Variants in NMT1 observed in about 807,000 individuals in gnomAD.
The protein encoded by NMT1 is glycylpeptide N-tetradecanoyltransferase 1.
In NMT1, 12 loss-of-function variants were observed where a neutral mutation model predicts 63.4. The observed-to-expected ratio is 0.19, with a 90% CI of 0.12 to 0.31. The LOEUF is 0.31. Among genes scored for constraint, NMT1 ranks in the 10% least tolerant of loss-of-function variants. The probability of loss-of-function intolerance (pLI) is 1.00; values close to 1 mark genes in which losing one functional copy is unlikely to be tolerated. For missense variants in NMT1, 432 were observed against 634.6 expected, an observed-to-expected ratio of 0.68 and a Z score of 3.43; for synonymous variants, 228 against 234.3, an observed-to-expected ratio of 0.97 and a Z score of 0.25.
chr17:45,106,365 CATTG>C lies in NMT1; in HGVS notation c.*732_*735del, dbSNP rs1343049988. On this transcript the variant is annotated 3_prime_UTR_variant, in exon 12 of 12. Transcript: ENST00000258960. Reference sequence around the variant, plus strand: ...ATGGACGGTCCGCAGAAGCAGACCTCATTGATTGAGTCCTTTCTTCCATCCCCTT... The same window carrying C: ...ATGGACGGTCCGCAGAAGCAGACCTCATTGAGTCCTTTCTTCCATCCCCTT... The C allele has an allele frequency of 5.2e-5, 8 of 152,710 alleles. No individual in the cohort carries two copies. Among genetic ancestry groups the C allele is most frequent in the Non-Finnish European group, 1.2e-4 (8 of 68,054 alleles). The allele number at this position is 152,710 out of a possible 1,614,324, so 9.5% of individuals were successfully genotyped here. A position where few individuals can be genotyped will look rare whatever the true frequency, so the allele number is the denominator to read the frequency against.
chr17:45,076,051 C>G (rs866943367), intron 1 of NMT1, among the ~76,000 whole-genome samples: 1 of 152,112 alleles, frequency 6.6e-6, no homozygotes, highest in East Asian at 1.9e-4. Flanking sequence ...GCCTGGGTGA[C>G]AGAGCGAGAC....
intron 1 of NMT1, among the ~76,000 whole-genome samples, chr17:45,078,651 GTTTT>G (rs1483614042): frequency 1.3e-5 from 2 of 151,410 alleles, no homozygotes; most frequent in Non-Finnish European, 3.0e-5. Context: ...GGGTTTTGGT[GTTTT>G]TTTGTTTGTT....
intron 1 of NMT1, among the ~76,000 whole-genome samples, chr17:45,077,326 G>A (rs905293084): frequency 2.0e-5 from 3 of 152,130 alleles, no homozygotes; most frequent in Non-Finnish European, 4.4e-5. Flanking sequence ...TTATGAATAA[G>A]AATTTATATT....
chr17:45,093,686 C>G lies in NMT1; in HGVS notation c.387C>G (p.Gly129=). ...FWDTQPVPKL[G]EVVNTHGPVE... Reference sequence around the variant, plus strand: ...CTCACAGCTGTGCTCTTCTTTCAGGCGAAGTGGTGAACACCCATGGCCCCG... The same window carrying G: ...CTCACAGCTGTGCTCTTCTTTCAGGGGAAGTGGTGAACACCCATGGCCCCG... Residue 129 remains glycine (G), a splice_region_variant and synonymous_variant, in exon 4 of 12, where the codon GGC becomes GGG. Coordinates refer to ENST00000258960, the MANE Select transcript of NMT1 (RefSeq NM_021079.5). 6.2e-7 allele frequency: 1 copy of G among 1,613,588 alleles called. No homozygotes were observed. The highest frequency in any genetic ancestry group is 1.3e-5 in the African/African-American group (1 of 75,058).
At chr17:45,073,451 A>T (rs1350975027) in intron 1 of NMT1, among the ~76,000 whole-genome samples, 1 of 152,136 alleles carries the variant, frequency 6.6e-6, no homozygotes, top group East Asian at 1.9e-4. Context: ...TATTCTTAGG[A>T]AATTGTTAAT....
At chr17:45,096,389 G>A (rs2054125029) in intron 5 of NMT1, 104 bp downstream of exon 5, 3 of 851,918 alleles carry the variant, frequency 3.5e-6, no homozygotes, top group Admixed American at 3.8e-5. Flanking sequence ...ACCTTTGAAT[G>A]GCAAATTAGT....
At chr17:45,090,025 G>A (rs946356431) in intron 3 of NMT1, among the ~76,000 whole-genome samples, 1 of 151,840 alleles carries the variant, frequency 6.6e-6, no homozygotes, top group Non-Finnish European at 1.5e-5. Flanking sequence ...CTCAATGCCT[G>A]TAATCCCAGC....
At chr17:45,097,450 C>T (rs2054132879) in intron 6 of NMT1, among the ~76,000 whole-genome samples, 1 of 152,054 alleles carries the variant, frequency 6.6e-6, no homozygotes, top group African/African-American at 2.4e-5. Flanking sequence ...TGTTTGTGGC[C>T]CAGGTTGGAA....
intron 1 of NMT1, among the ~76,000 whole-genome samples, chr17:45,077,579 A>C (rs1449531748): frequency 6.6e-6 from 1 of 152,136 alleles, no homozygotes; most frequent in Admixed American, 6.6e-5. Context: ...TAGTAGAGAC[A>C]GGGTTTCTCC....
At chr17:45,101,883 GGTATGTGTCTTCTCCCTTCT>G (rs1286036518) in intron 8 of NMT1, among the ~76,000 whole-genome samples, 1 of 152,200 alleles carries the variant, frequency 6.6e-6, no homozygotes, top group Non-Finnish European at 1.5e-5. Context: ...GGGGGACTGT[GGTATGTGTCTTCTCCCTTCT>G]GTTCTCATGA....
At chr17:45,081,128 C>T (rs1318122245) in intron 1 of NMT1, among the ~76,000 whole-genome samples, 1 of 152,168 alleles carries the variant, frequency 6.6e-6, no homozygotes, top group Admixed American at 6.6e-5. Context: ...GTTAATGTGC[C>T]TTTTTCCTCA....
At chr17:45,070,883 T>G (rs1305643418) in intron 1 of NMT1, among the ~76,000 whole-genome samples, 1 of 152,184 alleles carries the variant, frequency 6.6e-6, no homozygotes, top group African/African-American at 2.4e-5. Flanking sequence ...ACTAAAGTGT[T>G]TTTATTTTTC....
rs1389270352 is a variant in NMT1 at position 45,069,724 on chromosome 17, G to A, written c.131+8264G>A. ...TTGAGTTCTGCATCTTGAGTCTGCA[G>A]CAGTGTGAATCCTATCTTTGGCTCC... On this transcript the variant is annotated intron_variant, in intron 1 of 11. Coordinates refer to ENST00000258960, the MANE Select transcript of NMT1 (RefSeq NM_021079.5). Among the ~76,000 whole-genome samples the A allele has an allele frequency of 2.0e-5, 3 of 152,138 alleles. No individual in the cohort carries two copies. The East Asian group carries it at 5.8e-4, about 29-fold the overall frequency.
intron 7 of NMT1, 131 bp downstream of exon 7, chr17:45,098,683 G>A: frequency 1.3e-6 from 1 of 796,426 alleles, no homozygotes; most frequent in Non-Finnish European, 2.0e-6. Context: ...GCGGGCACTT[G>A]GTGCCTGCAG....
chr17:45,104,670 G>C lies in NMT1; in HGVS notation c.1333-189G>C. 7.0e-7 allele frequency: 1 copy of C among 1,426,080 alleles called. No individual in the cohort carries two copies. Among genetic ancestry groups the C allele is most frequent in the Non-Finnish European group, 9.2e-7 (1 of 1,092,470 alleles). 88.3% of individuals were successfully genotyped at this position (1,426,080 alleles called of 1,614,324 possible). A position where few individuals can be genotyped will look rare whatever the true frequency, so the allele number is the denominator to read the frequency against. On this transcript the variant is annotated intron_variant, in intron 10 of 11. Coordinates refer to ENST00000258960, the MANE Select transcript of NMT1 (RefSeq NM_021079.5). This position sits in a 1 kb window ranked among gnomAD's most constrained non-coding sequence, Gnocchi z 4.2. ...GGGACACTGGGCAGAGGCCAGGCTGGAGGGGGCGCTCAGAGTGTCCTGAGA... is the reference window on the plus strand; with the variant it reads ...GGGACACTGGGCAGAGGCCAGGCTGCAGGGGGCGCTCAGAGTGTCCTGAGA...
intron 3 of NMT1, among the ~76,000 whole-genome samples, chr17:45,092,548 A>G (rs186747789): frequency 6.6e-6 from 1 of 151,446 alleles, no homozygotes; most frequent in Non-Finnish European, 1.5e-5. Context: ...AAAAAAAAAA[A>G]CAAAACACCA....
Position 45,104,135 on chromosome 17 carries a change from G to A in NMT1, c.1332+259G>A, listed in dbSNP as rs1267550384. The A allele has an allele frequency of 7.3e-7, 1 of 1,373,538 alleles. No individual in the cohort carries two copies. Among genetic ancestry groups the A allele is most frequent in the Admixed American group, 2.8e-5 (1 of 35,184 alleles). 85.1% of individuals were successfully genotyped at this position (1,373,538 alleles called of 1,614,324 possible). On this transcript the variant is annotated intron_variant, in intron 10 of 11. Transcript: ENST00000258960. The surrounding 1 kb of genome is among the most constrained non-coding windows in gnomAD (Gnocchi z 4.2). ...CGTTCTCACAGGAGGCGCCACCAAGGAGCCTGAATAGCCAGGCCTTCCCTG... is the reference window on the plus strand; with the variant it reads ...CGTTCTCACAGGAGGCGCCACCAAGAAGCCTGAATAGCCAGGCCTTCCCTG...
At chr17:45,083,957 C>CT (rs2054033710) in intron 2 of NMT1, among the ~76,000 whole-genome samples, 1 of 152,150 alleles carries the variant, frequency 6.6e-6, no homozygotes, top group Non-Finnish European at 1.5e-5. Context: ...TAAAATGCCA[C>CT]TTCCCAGGCC....
intron 1 of NMT1, among the ~76,000 whole-genome samples, chr17:45,072,813 C>G (rs1421922798): frequency 4.3e-5 from 6 of 141,106 alleles, no homozygotes; most frequent in Non-Finnish European, 9.3e-5. Flanking sequence ...CCCGCCTCGG[C>G]CTCCCAAAGT....
Sources: gnomAD v4.1 joint callset for allele counts (sites outside exome capture counted in the v4.1 genomes callset) on GRCh38, gnomAD v4.1.1 for gene constraint, Gnocchi (gnomAD v3.1) non-coding constraint, MANE v1.5 for transcripts, NCBI Gene and HGNC (gene_info 2026-07-23, HGNC 2026-07-21) for gene names.